Variants in SSBP2 observed in about 807,000 individuals in gnomAD.
The protein encoded by SSBP2 is single-stranded DNA-binding protein 2.
Under a neutral mutation model 61.8 loss-of-function variants are expected in SSBP2, and 17 were observed. The observed-to-expected ratio is 0.28, with a 90% confidence interval of 0.19 to 0.41. The LOEUF is 0.41. SSBP2 is among the 10% of genes least tolerant of loss of function. The probability of loss-of-function intolerance (pLI) is 1.00; values close to 1 mark genes in which losing one functional copy is unlikely to be tolerated. For synonymous variants in SSBP2, 139 were observed against 141.3 expected (o/e 0.98, Z 0.12); for missense variants, 310 against 458.7 (o/e 0.68, Z 2.96).
At chr5:81,523,714 A>AT (rs1478674748) in intron 4 of SSBP2, among the ~76,000 whole-genome samples, 2 of 152,054 alleles carry the variant, frequency 1.3e-5, no homozygotes, top group Non-Finnish European at 2.9e-5. Flanking sequence ...CTAGAGCAAT[A>AT]AATCAGCGTT....
intron 14 of SSBP2, among the ~76,000 whole-genome samples, chr5:81,439,348 T>C (rs1264717188): frequency 6.6e-6 from 1 of 152,206 alleles, no homozygotes; most frequent in Non-Finnish European, 1.5e-5. Context: ...ATTTGACCTA[T>C]GTGAATGCAA....
chr5:81,432,930 G>A (rs1762404953), intron 15 of SSBP2, among the ~76,000 whole-genome samples: 1 of 146,268 alleles, frequency 6.8e-6, no homozygotes, highest in African/African-American at 2.6e-5. Context: ...CCGGGAGGGA[G>A]GTGGGGGGGG....
intron 10 of SSBP2, among the ~76,000 whole-genome samples, chr5:81,456,023 C>G (rs1299702099): frequency 6.6e-6 from 1 of 152,134 alleles, no homozygotes; most frequent in Non-Finnish European, 1.5e-5. Context: ...AGCTATCTTA[C>G]AAGCACTGGT....
In SSBP2 at chr5:81,417,826, T is replaced by A. The variant is rs966773536; in HGVS notation, c.*2678A>T. On this transcript the variant is annotated 3_prime_UTR_variant, in exon 17 of 17. Coordinates refer to ENST00000320672, the MANE Select transcript of SSBP2 (RefSeq NM_012446.5). Reference sequence around the variant, plus strand: ...GAAATTTTTAAATCTAAAATAACTCTTTTTAATCTGGGCTCCAAGAAGAAA... The same window carrying A: ...GAAATTTTTAAATCTAAAATAACTCATTTTAATCTGGGCTCCAAGAAGAAA... The A allele has an allele frequency of 8.5e-5, 13 of 152,172 alleles. No individual in the cohort carries two copies. Among genetic ancestry groups the A allele is most frequent in the Non-Finnish European group, 1.2e-4 (8 of 68,038 alleles). The allele number at this position is 152,172 out of a possible 1,614,324, so 9.4% of individuals were successfully genotyped here.
chr5:81,445,003 A>C (rs1326506081), intron 12 of SSBP2, among the ~76,000 whole-genome samples: 2 of 150,766 alleles, frequency 1.3e-5, no homozygotes, highest in African/African-American at 4.9e-5. Flanking sequence ...CACTCCTGTA[A>C]TCCCAGCTAC....
intron 12 of SSBP2, among the ~76,000 whole-genome samples, chr5:81,443,804 T>TG (rs1436548556): frequency 6.6e-6 from 1 of 152,206 alleles, no homozygotes; most frequent in African/African-American, 2.4e-5. Context: ...CCCTGTGATC[T>TG]GCCCACCTTG....
At chr5:81,595,981 A>G (rs1743702125) in intron 4 of SSBP2, among the ~76,000 whole-genome samples, 1 of 152,136 alleles carries the variant, frequency 6.6e-6, no homozygotes. Context: ...CTCCTATTCA[A>G]CATAGTGTTG....
intron 1 of SSBP2, among the ~76,000 whole-genome samples, chr5:81,714,434 G>A (rs60863858): frequency 0.025 from 3,789 of 152,238 alleles, 173 homozygotes; most frequent in African/African-American, 0.087. Context: ...TAATGAGACT[G>A]CTGGTCAAAT....
At chr5:81,631,750 C>A (rs887231406) in intron 3 of SSBP2, among the ~76,000 whole-genome samples, 1 of 152,138 alleles carries the variant, frequency 6.6e-6, no homozygotes, top group Non-Finnish European at 1.5e-5. Flanking sequence ...ACCACCACCA[C>A]CCTCAGTACC....
At chr5:81,700,974 T>C (rs896386665) in intron 1 of SSBP2, among the ~76,000 whole-genome samples, 1 of 152,268 alleles carries the variant, frequency 6.6e-6, no homozygotes, top group Admixed American at 6.5e-5. Flanking sequence ...GTGTGTTCAC[T>C]GGAGTAGCCC....
rs150005098 is a variant in SSBP2 at position 81,504,627 on chromosome 5, C to T, written c.372+9001G>A. Among the ~76,000 whole-genome samples the T allele has an allele frequency of 4.3e-4, 65 of 152,282 alleles. No homozygotes were observed. The East Asian group carries it at 8.1e-3, about 19-fold the overall frequency. ...ATGAGCCCTTTTCTGGCCACCCTAT[C>T]CAAAACTTTTGCAATGCTGCCTAGT... On this transcript the variant is annotated intron_variant, in intron 5 of 16. Transcript: ENST00000320672.
chr5:81,553,227 T>C (rs1772343063), intron 4 of SSBP2, among the ~76,000 whole-genome samples: 1 of 152,198 alleles, frequency 6.6e-6, no homozygotes, highest in Non-Finnish European at 1.5e-5. Context: ...AAACCTATTC[T>C]TTCACTTGTG....
chr5:81,666,615 A>C (rs2153766533), intron 1 of SSBP2, among the ~76,000 whole-genome samples: 1 of 152,272 alleles, frequency 6.6e-6, no homozygotes, highest in African/African-American at 2.4e-5. Flanking sequence ...TAATTAAATC[A>C]ATGTTATATT....
chr5:81,651,499 C>T (rs1432270448), intron 1 of SSBP2, among the ~76,000 whole-genome samples: 1 of 152,114 alleles, frequency 6.6e-6, no homozygotes, highest in Admixed American at 6.6e-5. Context: ...TACTAAACAC[C>T]TTGAGAGAGT....
At chr5:81,530,725 G>A (rs1345454734) in intron 4 of SSBP2, among the ~76,000 whole-genome samples, 2 of 152,028 alleles carry the variant, frequency 1.3e-5, no homozygotes, top group Non-Finnish European at 2.9e-5. Context: ...AGTCAATGAA[G>A]TTCTCAAGTG....
intron 4 of SSBP2, among the ~76,000 whole-genome samples, chr5:81,528,360 T>C (rs1483392597): frequency 6.6e-6 from 1 of 152,106 alleles, no homozygotes; most frequent in African/African-American, 2.4e-5. Context: ...GTCAATGTAG[T>C]TGATACTTGC....
chr5:81,555,359 G>C (rs1368932456), intron 4 of SSBP2, among the ~76,000 whole-genome samples: 2 of 151,910 alleles, frequency 1.3e-5, no homozygotes, highest in Non-Finnish European at 2.9e-5. Context: ...ACTCATTTTG[G>C]TTGTTTTTTA....
intron 3 of SSBP2, among the ~76,000 whole-genome samples, chr5:81,632,126 C>T (rs573890456): frequency 1.3e-5 from 2 of 152,312 alleles, no homozygotes; most frequent in East Asian, 3.9e-4. Flanking sequence ...CTACACTGTA[C>T]ATGCAACACT....
chr5:81,592,223 A>T (rs939397178), intron 4 of SSBP2, among the ~76,000 whole-genome samples: 7 of 152,356 alleles, frequency 4.6e-5, no homozygotes, highest in African/African-American at 1.7e-4. Context: ...ACGCCCACAG[A>T]GTCTCGCTCA....
Sources: gnomAD v4.1 joint callset for allele counts (sites outside exome capture counted in the v4.1 genomes callset) on GRCh38, gnomAD v4.1.1 for gene constraint, MANE v1.5 for transcripts, NCBI Gene and HGNC (gene_info 2026-07-23, HGNC 2026-07-21) for gene names.